The following PTPRN2 variants were observed in gnomAD, a reference collection of about 807,000 sequenced individuals.
The protein encoded by PTPRN2 is receptor-type tyrosine-protein phosphatase N2.
Under a neutral mutation model 118.8 loss-of-function variants are expected in PTPRN2, and 74 were observed. The ratio of observed to expected loss-of-function variants is 0.62; its 90% CI spans 0.52 to 0.76. The LOEUF is 0.76. Ranked by LOEUF, PTPRN2 falls within the 30% of genes least tolerant of loss-of-function variation. The pLI is 0.00. For missense variants in PTPRN2, 1,481 were observed against 1,394.4 expected, an observed-to-expected ratio of 1.06 and a Z score of -0.99; for synonymous variants, 641 against 608.0, an observed-to-expected ratio of 1.05 and a Z score of -0.80.
In PTPRN2 at chr7:157,987,294, C is replaced by T. The variant is rs935027643; in HGVS notation, c.1724-88557G>A. Reference sequence around the variant, plus strand: ...GGAACCTAAACGGGGGCAAGATGACCGGTCACTAAAGGGGGCGAGGTTACC... The same window carrying T: ...GGAACCTAAACGGGGGCAAGATGACTGGTCACTAAAGGGGGCGAGGTTACC... On this transcript the variant is annotated intron_variant, in intron 11 of 22. Transcript: ENST00000389418. This position sits in a 1 kb window ranked among gnomAD's most constrained non-coding sequence, Gnocchi z 4.3. Among the ~76,000 whole-genome samples the T allele has an allele frequency of 1.5e-4, 23 of 148,608 alleles. No individual in the cohort carries two copies. Among genetic ancestry groups the T allele is most frequent in the Admixed American group, 1.5e-3 (22 of 14,642 alleles).
intron 8 of PTPRN2, among the ~76,000 whole-genome samples, chr7:158,135,768 G>C (rs6966663): frequency 0.34 from 51,431 of 152,064 alleles, 8,933 homozygotes; most frequent in East Asian, 0.5. Context: ...AACCAGAACT[G>C]CTGATGTTTT....
chr7:157,926,367 A>G (rs1798995862), intron 11 of PTPRN2, among the ~76,000 whole-genome samples: 1 of 152,248 alleles, frequency 6.6e-6, no homozygotes, highest in African/African-American at 2.4e-5. Context: ...CCACAGCCAC[A>G]GGAAGCTGAG....
At chr7:157,923,565 G>A (rs1041362242) in intron 11 of PTPRN2, among the ~76,000 whole-genome samples, 1 of 152,190 alleles carries the variant, frequency 6.6e-6, no homozygotes, top group African/African-American at 2.4e-5. Context: ...TCCTTTGGAA[G>A]ACTTTGCTCA....
intron 2 of PTPRN2, among the ~76,000 whole-genome samples, chr7:158,327,304 CACACAT>C (rs1371789091): frequency 7.2e-5 from 5 of 69,860 alleles, no homozygotes; most frequent in African/African-American, 1.4e-4. Flanking sequence ...TACACATTCT[CACACAT>C]ACACATTCTC....
chr7:157,808,917 G>A lies in PTPRN2; in HGVS notation c.1788+89756C>T, dbSNP rs775948873. On this transcript the variant is annotated intron_variant, in intron 12 of 22. Transcript: ENST00000389418. This position sits in a 1 kb window ranked among gnomAD's most constrained non-coding sequence, Gnocchi z 5.0. ...ATGGTCAGTCCCTGCAGCACCTCCC[G>A]AAGTGTGGTGTGTCACTTGCTTTTA... 6.6e-6 allele frequency among the ~76,000 whole-genome samples: 1 copy of A among 151,958 alleles called. No individual in the cohort carries two copies. The highest frequency in any genetic ancestry group is 2.4e-5 in the African/African-American group (1 of 41,364).
At chr7:158,502,661 G>A (rs952349431) in intron 1 of PTPRN2, among the ~76,000 whole-genome samples, 3 of 152,356 alleles carry the variant, frequency 2.0e-5, no homozygotes, top group African/African-American at 7.2e-5. Context: ...AAACCTGGAC[G>A]TCACCACACA....
chr7:158,268,300 G>A (rs1214414702), intron 3 of PTPRN2, among the ~76,000 whole-genome samples: 1 of 151,064 alleles, frequency 6.6e-6, no homozygotes, highest in African/African-American at 2.4e-5. Flanking sequence ...TGCACACGGG[G>A]CGGGTGTGAA....
rs118014083 is a variant in PTPRN2 at position 158,011,176 on chromosome 7, T to C, written c.1723+70122A>G. On this transcript the variant is annotated intron_variant, in intron 11 of 22. Transcript: ENST00000389418. The stretch of plus-strand genomic sequence containing the variant: ...CCACACAAAACCCCACCTGGGTCTG[T>C]ACGTCATTGCTAAAGACATCAGATG... 3.2e-3 allele frequency among the ~76,000 whole-genome samples: 486 copies of C among 152,368 alleles called. 18 individuals are homozygous for C. In the East Asian group the frequency reaches 0.074, roughly 23 times the overall value.
At chr7:157,872,195 ACC>A (rs1811111993) in intron 12 of PTPRN2, among the ~76,000 whole-genome samples, 1 of 103,536 alleles carries the variant, frequency 9.7e-6, no homozygotes. Flanking sequence ...CTCCCCACAC[ACC>A]CATACCCAGT....
intron 2 of PTPRN2, among the ~76,000 whole-genome samples, chr7:158,420,214 T>C (rs1284135836): frequency 6.6e-6 from 1 of 152,106 alleles, no homozygotes; most frequent in African/African-American, 2.4e-5. Context: ...TACCCTGAAC[T>C]CAGAGCATCA....
intron 3 of PTPRN2, among the ~76,000 whole-genome samples, chr7:158,211,287 A>C (rs1827582324): frequency 2.0e-5 from 3 of 152,198 alleles, no homozygotes; most frequent in African/African-American, 7.2e-5. Context: ...GTAATACCCC[A>C]TGAGCACAGG....
rs1339132967 is a variant in PTPRN2 at position 157,550,111 on chromosome 7, CGCAACCTGAGT to C, written c.2903-1103_2903-1093del. On this transcript the variant is annotated intron_variant, in intron 21 of 22. Transcript: ENST00000389418. This position sits in a 1 kb window ranked among gnomAD's most constrained non-coding sequence, Gnocchi z 5.2. ...TGGTCCCCAGGCCTTTCTCTCCGGC[CGCAACCTGAGT>C]GCACACCACATTCCTCGCCCAGCGA... 6.6e-6 allele frequency among the ~76,000 whole-genome samples: 1 copy of C among 152,204 alleles called. No homozygotes were observed. The highest frequency in any genetic ancestry group is 2.4e-5 in the African/African-American group (1 of 41,452).
chr7:157,952,580 G>A (rs893920661), intron 11 of PTPRN2, among the ~76,000 whole-genome samples: 23 of 152,112 alleles, frequency 1.5e-4, no homozygotes, highest in Non-Finnish European at 2.4e-4. Flanking sequence ...GTGCAGAGCT[G>A]TGGGTCTAGG....
Position 158,312,855 on chromosome 7 carries a change from T to A in PTPRN2, c.277+3964A>T, listed in dbSNP as rs1175212214. ...ACACGTGAGCATGGGTGTGTGTGCATGTGTGTGGATGTCTACACATGAGCA... is the reference window on the plus strand; with the variant it reads ...ACACGTGAGCATGGGTGTGTGTGCAAGTGTGTGGATGTCTACACATGAGCA... On this transcript the variant is annotated intron_variant, in intron 3 of 22. Coordinates refer to ENST00000389418, the MANE Select transcript of PTPRN2 (RefSeq NM_002847.5). 2.0e-5 allele frequency among the ~76,000 whole-genome samples: 3 copies of A among 149,822 alleles called. No individual in the cohort carries two copies. In the East Asian group the frequency reaches 6.2e-4, roughly 31 times the overall value.
At chr7:158,133,335 C>T (rs948965039) in intron 9 of PTPRN2, among the ~76,000 whole-genome samples, 3 of 152,172 alleles carry the variant, frequency 2.0e-5, no homozygotes, top group African/African-American at 4.8e-5. Context: ...CCTGCCTGGC[C>T]GCCGCTGAAG....
Position 157,829,061 on chromosome 7 carries a change from C to T in PTPRN2, c.1788+69612G>A, listed in dbSNP as rs375364794. 4.6e-5 allele frequency among the ~76,000 whole-genome samples: 7 copies of T among 152,408 alleles called. No individual in the cohort carries two copies. The South Asian group carries it at 6.2e-4, about 14-fold the overall frequency. ...ACTTGGAGTTCTTCCTTCCAGGACA[C>T]GTCTGCGATGCCAGCGCGGGGCGCA... On this transcript the variant is annotated intron_variant, in intron 12 of 22. Transcript: ENST00000389418.
intron 2 of PTPRN2, among the ~76,000 whole-genome samples, chr7:158,424,017 A>G (rs1258328983): frequency 6.6e-6 from 1 of 152,204 alleles, no homozygotes; most frequent in African/African-American, 2.4e-5. Context: ...TTAATTCGGA[A>G]GAGGCTAAAC....
chr7:158,029,268 A>G (rs1056477616), intron 11 of PTPRN2: 2 of 151,570 alleles, frequency 1.3e-5, no homozygotes, highest in Admixed American at 6.6e-5. Flanking sequence ...GTCCGTATCC[A>G]CTTGCTAGGG....
At position 157,550,503 on chromosome 7, in the gene PTPRN2, C is replaced by G. The variant is rs1045853068; in HGVS notation, c.2903-1484G>C. Among the ~76,000 whole-genome samples, 1 of 152,238 alleles carries G rather than the reference C, an allele frequency of 6.6e-6. No individual in the cohort carries two copies. The highest frequency in any genetic ancestry group is 2.4e-5 in the African/African-American group (1 of 41,462). ...GCGGCTCCACCAGGGAGGCCGGGCG[C>G]GAGATGACCACCCCACCTGCCCTGC... On this transcript the variant is annotated intron_variant, in intron 21 of 22. Transcript: ENST00000389418. This position sits in a 1 kb window ranked among gnomAD's most constrained non-coding sequence, Gnocchi z 5.2.
Sources: allele counts gnomAD v4.1 joint callset (sites outside exome capture counted in the v4.1 genomes callset), GRCh38; gene constraint gnomAD v4.1.1; non-coding constraint Gnocchi (gnomAD v3.1); transcripts MANE v1.5; gene names NCBI Gene and HGNC (gene_info 2026-07-23, HGNC 2026-07-21).